The following NSUN4 variants were observed in gnomAD, a reference collection of about 807,000 sequenced individuals.
NSUN4 encodes 5-cytosine rRNA methyltransferase NSUN4.
Under a neutral mutation model 43.8 loss-of-function variants are expected in NSUN4, and 31 were observed. The ratio of observed to expected loss-of-function variants is 0.71; its 90% CI spans 0.53 to 0.96. The LOEUF (loss-of-function observed/expected upper bound fraction) is 0.96. NSUN4 is among the 40% of genes least tolerant of loss of function. The pLI, the probability that NSUN4 is intolerant of heterozygous loss-of-function variation, is 0.00. For missense variants in NSUN4, 439 were observed against 475.6 expected, an observed-to-expected ratio of 0.92 and a Z score of 0.72; for synonymous variants, 167 against 184.1, an observed-to-expected ratio of 0.91 and a Z score of 0.75.
At chr1:46,354,523 A>G (rs1275463279) in intron 4 of NSUN4, among the ~76,000 whole-genome samples, 2 of 152,140 alleles carry the variant, frequency 1.3e-5, no homozygotes, top group Admixed American at 1.3e-4. Context: ...TTGTCACCTG[A>G]TTTACCTAAT....
At position 46,349,649 on chromosome 1, in the gene NSUN4, T is replaced by C. The variant is rs571871189; in HGVS notation, c.592+2574T>C. 2.6e-5 allele frequency among the ~76,000 whole-genome samples: 4 copies of C among 152,314 alleles called. No homozygotes were observed. The South Asian group carries it at 8.3e-4, about 32-fold the overall frequency. On this transcript the variant is annotated intron_variant, in intron 3 of 5. Transcript: ENST00000474844. Reference sequence around the variant, plus strand: ...GGTCTTGTCAGCCAGCTTGCACAGTTTGAGTCAGCATCCAGCCTTATGATA... The same window carrying C: ...GGTCTTGTCAGCCAGCTTGCACAGTCTGAGTCAGCATCCAGCCTTATGATA...
chr1:46,348,255 C>G (rs958338022), intron 3 of NSUN4, among the ~76,000 whole-genome samples: 1 of 152,200 alleles, frequency 6.6e-6, no homozygotes, highest in African/African-American at 2.4e-5. Context: ...GACTTTCAAG[C>G]CTCAGCTCAA....
the NSUN4 span, among the ~76,000 whole-genome samples, chr1:46,382,281 C>T: frequency 6.6e-6 from 1 of 152,210 alleles, no homozygotes; most frequent in Non-Finnish European, 1.5e-5. Context: ...ACCTGTGCCC[C>T]ATCATACTTT....
the NSUN4 span, among the ~76,000 whole-genome samples, chr1:46,382,346 C>T: frequency 2.0e-5 from 3 of 152,178 alleles, no homozygotes; most frequent in African/African-American, 7.2e-5. Context: ...AAAAGCTACA[C>T]GTCAACCCAA....
chr1:46,356,003 A>C (rs899975826), intron 4 of NSUN4, among the ~76,000 whole-genome samples: 1 of 146,932 alleles, frequency 6.8e-6, no homozygotes, highest in African/African-American at 2.5e-5. Flanking sequence ...AACAAGAGTG[A>C]GACTTTGTCT....
At chr1:46,360,635 A>G (rs1451692826) in intron 4 of NSUN4, 69 bp from the exon 5 acceptor site, 1 of 1,546,400 alleles carries the variant, frequency 6.5e-7, no homozygotes, top group East Asian at 2.3e-5. Flanking sequence ...GGGGCCTAAA[A>G]CATCTCTGGC....
chr1:46,345,264 T>A (rs1662407525), intron 2 of NSUN4, 120 bp downstream of exon 2: 2 of 729,898 alleles, frequency 2.7e-6, no homozygotes, highest in Non-Finnish European at 2.2e-6. Flanking sequence ...ATGGCATGTT[T>A]ATACAGACTA....
At chr1:46,356,802 AC>A (rs1249695968) in intron 4 of NSUN4, among the ~76,000 whole-genome samples, 1 of 152,038 alleles carries the variant, frequency 6.6e-6, no homozygotes, top group Non-Finnish European at 1.5e-5. Flanking sequence ...AAGGGACAGG[AC>A]CTCAGAGCTC....
chr1:46,340,820 C>G lies in NSUN4; in HGVS notation c.-7C>G. The G allele has an allele frequency of 6.2e-7, 1 of 1,608,364 alleles. No individual in the cohort carries two copies. The highest frequency in any genetic ancestry group is 8.5e-7 in the Non-Finnish European group (1 of 1,177,336). ...CCGGTCGGAATTACCCCGTGGAGCA[C>G]GCCGATATGGCTGCGCTGACACTGA... On this transcript the variant is annotated 5_prime_UTR_variant, in exon 1 of 6. Transcript: ENST00000474844.
the NSUN4 span, among the ~76,000 whole-genome samples, chr1:46,373,070 C>A: frequency 6.6e-6 from 1 of 152,184 alleles, no homozygotes; most frequent in African/African-American, 2.4e-5. Flanking sequence ...TTACCTTGTT[C>A]TTCAGGTCCA....
the NSUN4 span, among the ~76,000 whole-genome samples, chr1:46,372,364 C>T: frequency 2.6e-5 from 4 of 151,266 alleles, no homozygotes; most frequent in Non-Finnish European, 4.4e-5. Flanking sequence ...AGGATGGTCT[C>T]GCTCTCCTGA....
At chr1:46,382,538 G>A in the NSUN4 span, among the ~76,000 whole-genome samples, 5 of 151,986 alleles carry the variant, frequency 3.3e-5, no homozygotes, top group Admixed American at 3.3e-4. Flanking sequence ...TCAGTTCTAT[G>A]GGACACAAGT....
Position 46,345,014 on chromosome 1 carries a change from A to G in NSUN4, c.307A>G (p.Ile103Val), listed in dbSNP as rs1662384104. 1.9e-6 allele frequency: 3 copies of G among 1,614,042 alleles called. No homozygotes were observed. The African/African-American group carries it at 4.0e-5, about 22-fold the overall frequency. The change falls in exon 2 of 6, where the codon ATC (isoleucine) becomes GTC (valine). Residue 103 changes from isoleucine (I) to valine (V), a missense_variant. Coordinates refer to ENST00000474844, the MANE Select transcript of NSUN4 (RefSeq NM_199044.4). Reference protein sequence around the residue: ...LSAKDFVNEAISHWELQSEGG... With the variant: ...LSAKDFVNEAVSHWELQSEGG... ...TGCCAAGGATTTTGTGAATGAAGCC[A>G]TCTCCCACTGGGAACTGCAGTCTGA...
At position 46,347,503 on chromosome 1, in the gene NSUN4, T is replaced by TA. The variant is rs1316699651; in HGVS notation, c.592+429dup. ...CAAAGTCAGAGTGGAGGGTAGTACT[T>TA]ACTTTCTAAGCTTGTGTATTTTTTC... On this transcript the variant is annotated intron_variant, in intron 3 of 5. Coordinates refer to ENST00000474844, the MANE Select transcript of NSUN4 (RefSeq NM_199044.4). 2.6e-5 allele frequency among the ~76,000 whole-genome samples: 4 copies of TA among 152,324 alleles called. No homozygotes were observed. The South Asian group carries it at 8.3e-4, about 32-fold the overall frequency.
At chr1:46,342,068 C>A in intron 1 of NSUN4, 1 of 736,296 alleles carries the variant, frequency 1.4e-6, no homozygotes, top group Non-Finnish European at 1.9e-6. Context: ...CGGGAACTTG[C>A]CTCACGATTT....
downstream of NSUN4, among the ~76,000 whole-genome samples, chr1:46,366,490 A>G (rs1454324102): frequency 2.0e-5 from 3 of 152,128 alleles, no homozygotes; most frequent in Admixed American, 2.0e-4. Flanking sequence ...CAAAAGTGAT[A>G]AAAGTATGTT....
At chr1:46,349,413 T>G (rs1306240436) in intron 3 of NSUN4, among the ~76,000 whole-genome samples, 1 of 152,216 alleles carries the variant, frequency 6.6e-6, no homozygotes, top group African/African-American at 2.4e-5. Flanking sequence ...GTGCTGGGAT[T>G]ACAGGCGTGA....
At chr1:46,348,175 C>T (rs556620413) in intron 3 of NSUN4, among the ~76,000 whole-genome samples, 9 of 152,198 alleles carry the variant, frequency 5.9e-5, no homozygotes, top group African/African-American at 1.2e-4. Context: ...CCACCGCGCC[C>T]GGCCCCTTGT....
At chr1:46,379,184 G>T in the NSUN4 span, among the ~76,000 whole-genome samples, 2 of 150,216 alleles carry the variant, frequency 1.3e-5, no homozygotes, top group Non-Finnish European at 3.0e-5. Flanking sequence ...TTGGTAGGGG[G>T]CCCAGATATC....
Sources: gnomAD v4.1 joint callset for allele counts (sites outside exome capture counted in the v4.1 genomes callset) on GRCh38, gnomAD v4.1.1 for gene constraint, MANE v1.5 for transcripts, NCBI Gene and HGNC (gene_info 2026-07-23, HGNC 2026-07-21) for gene names.